Variants in DSCAM observed in about 807,000 individuals in gnomAD.
DSCAM encodes cell adhesion molecule DSCAM.
Under a neutral mutation model 217.7 loss-of-function variants are expected in DSCAM, and 47 were observed. That is an observed-to-expected ratio of 0.22 (90% CI 0.17 to 0.28). DSCAM has a LOEUF of 0.28. DSCAM is among the 10% of genes least tolerant of loss of function. The pLI is 1.00. For missense variants in DSCAM, 2,080 were observed against 2,618.3 expected (o/e 0.79, Z 4.49); for synonymous variants, 1,056 against 1,015.3 (o/e 1.04, Z -0.76).
intron 1 of DSCAM, among the ~76,000 whole-genome samples, chr21:40,740,025 A>T (rs1403945079): frequency 7.6e-6 from 1 of 130,952 alleles, no homozygotes; most frequent in Non-Finnish European, 1.5e-5. Context: ...AACCCTTGCT[A>T]ACTCCTCACC....
At chr21:40,631,562 GTCCTGTCCC>G (rs1233542911) in intron 3 of DSCAM, among the ~76,000 whole-genome samples, 1 of 152,098 alleles carries the variant, frequency 6.6e-6, no homozygotes, top group African/African-American at 2.4e-5. Flanking sequence ...CTACTCTTTT[GTCCTGTCCC>G]TCAGGCCCCA....
At chr21:40,447,178 GT>G (rs955941191) in intron 3 of DSCAM, among the ~76,000 whole-genome samples, 2 of 152,244 alleles carry the variant, frequency 1.3e-5, no homozygotes, top group Admixed American at 6.5e-5. Context: ...TCAGGCTAAG[GT>G]TGGGCATGTA....
At chr21:40,385,412 T>G (rs1035115239) in intron 3 of DSCAM, 2 of 152,204 alleles carry the variant, frequency 1.3e-5, no homozygotes, top group East Asian at 3.8e-4. Context: ...TACAGAGTAG[T>G]GGTTCATTAA....
chr21:40,136,809 C>G (rs1443721363), intron 18 of DSCAM, among the ~76,000 whole-genome samples: 1 of 152,112 alleles, frequency 6.6e-6, no homozygotes, highest in Non-Finnish European at 1.5e-5. Flanking sequence ...ACTCTTGAAT[C>G]AGACAGAATG....
chr21:40,326,218 C>T (rs1214321998), intron 8 of DSCAM, among the ~76,000 whole-genome samples: 1 of 152,054 alleles, frequency 6.6e-6, no homozygotes, highest in East Asian at 1.9e-4. Flanking sequence ...GTGGTGTCAG[C>T]CAAAAGTTGA....
intron 3 of DSCAM, among the ~76,000 whole-genome samples, chr21:40,373,923 T>C (rs994432963): frequency 6.6e-6 from 1 of 152,240 alleles, no homozygotes; most frequent in Non-Finnish European, 1.5e-5. Context: ...ATCTCTTTGT[T>C]CTGCTGTTGA....
chr21:40,637,819 C>T (rs903855496), intron 3 of DSCAM, among the ~76,000 whole-genome samples: 2 of 150,084 alleles, frequency 1.3e-5, no homozygotes, highest in South Asian at 2.1e-4. Context: ...ACTACAGGTG[C>T]GCACCACCAC....
chr21:40,070,298 G>A (rs2089274429), intron 27 of DSCAM, among the ~76,000 whole-genome samples: 1 of 135,424 alleles, frequency 7.4e-6, no homozygotes, highest in Non-Finnish European at 1.6e-5. Context: ...GGGAGGGAAG[G>A]AGAGAGAAGG....
At chr21:40,545,732 T>G (rs1010383506) in intron 3 of DSCAM, among the ~76,000 whole-genome samples, 2 of 152,228 alleles carry the variant, frequency 1.3e-5, no homozygotes, top group Non-Finnish European at 2.9e-5. Flanking sequence ...AGCAATGGTC[T>G]GGCTATGGCT....
At chr21:40,823,689 A>G (rs2091947315) in intron 1 of DSCAM, among the ~76,000 whole-genome samples, 1 of 152,242 alleles carries the variant, frequency 6.6e-6, no homozygotes, top group Non-Finnish European at 1.5e-5. Context: ...TTCACTGTCA[A>G]TACTACATTT....
intron 8 of DSCAM, among the ~76,000 whole-genome samples, chr21:40,316,313 C>T: frequency 6.6e-6 from 1 of 152,166 alleles, no homozygotes; most frequent in East Asian, 1.9e-4. Context: ...AATCACAAGA[C>T]CTATTTGTCA....
At chr21:40,715,282 G>A (rs540509184) in intron 1 of DSCAM, among the ~76,000 whole-genome samples, 4 of 152,258 alleles carry the variant, frequency 2.6e-5, no homozygotes, top group South Asian at 4.2e-4. Context: ...AGATCTAGGG[G>A]AAGCTGTGTC....
At chr21:40,358,888 TAAA>T (rs1481684130) in intron 4 of DSCAM, among the ~76,000 whole-genome samples, 1 of 150,494 alleles carries the variant, frequency 6.6e-6, no homozygotes. Context: ...ATATTTCTAA[TAAA>T]GAACTCAAAT....
chr21:40,121,854 G>A (rs140975464), intron 20 of DSCAM, among the ~76,000 whole-genome samples: 1,997 of 151,884 alleles, frequency 0.013, 27 homozygotes, highest in South Asian at 0.032. Context: ...ACCACACCTG[G>A]CTAATTTTTG....
chr21:40,351,972 A>G (rs972236891), intron 5 of DSCAM, among the ~76,000 whole-genome samples: 2 of 152,272 alleles, frequency 1.3e-5, no homozygotes. Flanking sequence ...GGAAAGGAAT[A>G]GGTTTGTGCA....
intron 5 of DSCAM, among the ~76,000 whole-genome samples, chr21:40,353,144 G>A (rs1398458913): frequency 1.3e-5 from 2 of 152,156 alleles, no homozygotes; most frequent in Non-Finnish European, 2.9e-5. Context: ...ACTGGTTGTT[G>A]TGAATTCATC....
chr21:40,375,473 C>A (rs1208985049), intron 3 of DSCAM, among the ~76,000 whole-genome samples: 1 of 152,232 alleles, frequency 6.6e-6, no homozygotes, highest in East Asian at 1.9e-4. Context: ...ACTGGAGGCT[C>A]TGAGCCCAGA....
At chr21:40,109,031 C>G (rs1156825849) in intron 20 of DSCAM, among the ~76,000 whole-genome samples, 1 of 152,094 alleles carries the variant, frequency 6.6e-6, no homozygotes, top group East Asian at 1.9e-4. Context: ...AATGTAAAAC[C>G]TAAAGCTAAA....
intron 3 of DSCAM, among the ~76,000 whole-genome samples, chr21:40,564,968 G>A (rs1191854817): frequency 6.6e-6 from 1 of 152,158 alleles, no homozygotes; most frequent in Non-Finnish European, 1.5e-5. Flanking sequence ...AGGTGGGATG[G>A]GCAGAGGTGG....
Sources: allele counts gnomAD v4.1 joint callset (sites outside exome capture counted in the v4.1 genomes callset), GRCh38; gene constraint gnomAD v4.1.1; transcripts MANE v1.5; gene names NCBI Gene and HGNC (gene_info 2026-07-23, HGNC 2026-07-21).